The following CUBN variants were observed in gnomAD, a reference collection of about 807,000 sequenced individuals.
CUBN encodes 460 kDa receptor.
In CUBN, 282 loss-of-function variants were observed where a neutral mutation model predicts 405.3. That is an observed-to-expected ratio of 0.70 (90% CI 0.63 to 0.77). The LOEUF is 0.77. Ranked by LOEUF, CUBN falls within the 30% of genes least tolerant of loss-of-function variation. The pLI is 0.00. For missense variants in CUBN, 4,514 were observed against 4,475.2 expected (o/e 1.01, Z -0.25); for synonymous variants, 1,684 against 1,617.0 (o/e 1.04, Z -0.99).
At chr10:17,039,055 C>T (rs1834960105) in intron 27 of CUBN, among the ~76,000 whole-genome samples, 1 of 150,060 alleles carries the variant, frequency 6.7e-6, no homozygotes, top group African/African-American at 2.5e-5. Flanking sequence ...GAGTTCAGGT[C>T]CTGGAAATGT....
intron 47 of CUBN, 123 bp from the exon 48 acceptor site, chr10:16,914,115 T>C (rs1841813300): frequency 2.0e-6 from 2 of 1,015,300 alleles, no homozygotes; most frequent in Admixed American, 4.0e-5. Flanking sequence ...TCTCCATATT[T>C]ATTTATGTGC....
intron 28 of CUBN, among the ~76,000 whole-genome samples, chr10:16,991,650 T>C (rs928061203): frequency 1.4e-5 from 2 of 146,646 alleles, no homozygotes; most frequent in African/African-American, 4.9e-5. Context: ...TTTTTTTAAA[T>C]ATTCTTTATT....
At chr10:16,865,283 T>G (rs975628269) in intron 59 of CUBN, among the ~76,000 whole-genome samples, 1 of 152,132 alleles carries the variant, frequency 6.6e-6, no homozygotes, top group Non-Finnish European at 1.5e-5. Context: ...CTGAACATAT[T>G]TATACATTTG....
In CUBN at chr10:16,887,250, T is replaced by C. The variant is rs559255790; in HGVS notation, c.8905+1167A>G. On this transcript the variant is annotated intron_variant, in intron 56 of 66. Coordinates refer to ENST00000377833, the MANE Select transcript of CUBN (RefSeq NM_001081.4). The stretch of plus-strand genomic sequence containing the variant: ...TAAACTTTAAATGCAAGTGAATAAA[T>C]TAAAAGCTATGTTAACATGAAACAT... 1.3e-4 allele frequency among the ~76,000 whole-genome samples: 20 copies of C among 152,346 alleles called. No homozygotes were observed. In the East Asian group the frequency reaches 3.5e-3, roughly 26 times the overall value.
chr10:17,071,457 C>T lies in CUBN; in HGVS notation c.2594G>A (p.Ser865Asn), dbSNP rs138083522. The change falls in exon 19 of 67, where the codon AGT becomes AAT. Residue 865 changes from serine to asparagine, a missense_variant. Physicochemically the swap from Ser to Asn is conservative, Grantham distance 46 (BLOSUM62 1). This residue lies in a region of CUBN where 1,448 missense variants were observed against 1,388.0 expected (regional missense o/e 1.04). Transcript: ENST00000377833. ...LLNFTVFEIG[S>N]SAHCETDYVE... ...ATAATCTGTTTCACAGTGGGCAGAA[C>T]TTCCAATTTCAAAGACAGTGAAGTT... 9.5e-3 allele frequency: 15,287 copies of T among 1,613,902 alleles called. 84 individuals are homozygous for T. Among genetic ancestry groups the T allele is most frequent in the Non-Finnish European group, 0.011 (13,234 of 1,179,898 alleles).
intron 48 of CUBN, among the ~76,000 whole-genome samples, chr10:16,911,711 TA>T (rs1417007027): frequency 3.3e-5 from 5 of 152,208 alleles, no homozygotes. Flanking sequence ...CAGTATGATT[TA>T]AACTATGAAA....
At chr10:16,938,253 G>A (rs1564434871) in intron 38 of CUBN, among the ~76,000 whole-genome samples, 1 of 152,120 alleles carries the variant, frequency 6.6e-6, no homozygotes, top group African/African-American at 2.4e-5. Context: ...AAGAATTAAT[G>A]ACAACAAAAT....
chr10:17,023,344 C>A (rs1380515438), intron 27 of CUBN, among the ~76,000 whole-genome samples: 1 of 150,290 alleles, frequency 6.7e-6, no homozygotes, highest in Non-Finnish European at 1.5e-5. Flanking sequence ...AATGTCCAAT[C>A]TAGTAATAAA....
intron 48 of CUBN, among the ~76,000 whole-genome samples, chr10:16,910,554 A>C (rs1028112479): frequency 2.6e-5 from 4 of 152,116 alleles, no homozygotes; most frequent in Admixed American, 6.5e-5. Flanking sequence ...TTTGCTAAAG[A>C]GTCAGGGCCC....
chr10:17,083,957 C>T (rs962067925), intron 17 of CUBN, among the ~76,000 whole-genome samples: 3 of 152,104 alleles, frequency 2.0e-5, no homozygotes, highest in Admixed American at 2.0e-4. Context: ...ACCTCCAAAA[C>T]AAGGGTCATT....
rs138719573 is a variant in CUBN at position 16,899,016 on chromosome 10, A to G, written c.8578T>C (p.Cys2860Arg). ...NFLIPSGDGQ[C>R]QNSFVKVWAG... is the part of the protein sequence containing the mutation. ...CTAACCTTCACGAAGCTATTCTGAC[A>G]TTGTCCATCACCGCTGGGGATTAGG... Residue 2860 changes from cysteine (C) to arginine (R), a missense_variant, in exon 54 of 67, where the codon TGT becomes CGT. Physicochemically the swap from Cys to Arg is radical, Grantham distance 180. This residue lies in a region of CUBN where 1,186 missense variants were observed against 1,186.9 expected (regional missense o/e 1.00). Transcript: ENST00000377833. 19 of 1,612,878 alleles carry G rather than the reference A, an allele frequency of 1.2e-5. No individual in the cohort carries two copies. In the African/African-American group the frequency reaches 2.5e-4, roughly 22 times the overall value.
At position 16,920,008 on chromosome 10, in the gene CUBN, A is replaced by G; in HGVS notation, c.6776T>C (p.Ile2259Thr). ...WILAAPPETR[I>T]QLQFEDRFDI... ...GAATCGATCTTCAAATTGCAGCTGT[A>G]TGCGTGTTTCCGGTGGAGCCGCTAA... is the stretch of plus-strand genomic sequence containing the variant. Residue 2259 changes from isoleucine to threonine, a missense_variant, in exon 44 of 67, where the codon ATA becomes ACA. Coordinates refer to ENST00000377833, the MANE Select transcript of CUBN (RefSeq NM_001081.4). The G allele has an allele frequency of 1.9e-6, 3 of 1,613,956 alleles. No individual in the cohort carries two copies.
At chr10:16,986,059 G>A (rs1265843771) in intron 29 of CUBN, among the ~76,000 whole-genome samples, 1 of 152,206 alleles carries the variant, frequency 6.6e-6, no homozygotes, top group African/African-American at 2.4e-5. Flanking sequence ...GGCAGGATGG[G>A]AATCAAATAG....
At chr10:17,052,594 T>TA (rs112713293) in intron 22 of CUBN, among the ~76,000 whole-genome samples, 53 of 150,188 alleles carry the variant, frequency 3.5e-4, no homozygotes, top group African/African-American at 1.1e-3. Flanking sequence ...CTGTCTCTAC[T>TA]AAAAAAAATA....
chr10:16,907,335 C>CT (rs1040393954), intron 49 of CUBN, among the ~76,000 whole-genome samples, 173 bp downstream of exon 49: 1 of 152,122 alleles, frequency 6.6e-6, no homozygotes, highest in African/African-American at 2.4e-5. Context: ...AATCAGAAAG[C>CT]TTTTTTTCTG....
intron 48 of CUBN, 120 bp from the exon 49 acceptor site, chr10:16,907,799 G>A (rs1237786214): frequency 2.1e-5 from 21 of 994,578 alleles, no homozygotes; most frequent in Middle Eastern, 6.0e-4. Flanking sequence ...CAAAATGAAT[G>A]ACCTAACAAT....
At chr10:16,864,437 A>C (rs1840105465) in intron 59 of CUBN, among the ~76,000 whole-genome samples, 2 of 152,096 alleles carry the variant, frequency 1.3e-5, no homozygotes, top group African/African-American at 2.4e-5. Context: ...TTTCTAATAC[A>C]TAGAGTCTTT....
intron 55 of CUBN, among the ~76,000 whole-genome samples, chr10:16,889,912 G>C (rs1329317579): frequency 3.4e-5 from 4 of 119,316 alleles, no homozygotes; most frequent in South Asian, 5.0e-4. Context: ...ACTCCAGCCT[G>C]GCGACAGAGT....
intron 10 of CUBN, among the ~76,000 whole-genome samples, chr10:17,108,744 C>T (rs182032702): frequency 7.9e-5 from 12 of 152,108 alleles, no homozygotes; most frequent in African/African-American, 2.4e-4. Flanking sequence ...TTTTTGACTA[C>T]GTAAAAATTC....
Sources: gnomAD v4.1 joint callset for allele counts (sites outside exome capture counted in the v4.1 genomes callset) on GRCh38, gnomAD v4.1.1 for gene constraint, gnomAD v4.1.1 regional missense constraint, MANE v1.5 for transcripts, NCBI Gene and HGNC (gene_info 2026-07-23, HGNC 2026-07-21) for gene names.